Variants in AFF2 observed in about 807,000 individuals in gnomAD.
AFF2 encodes AF4/FMR2 family member 2.
In AFF2, 14 loss-of-function variants were observed where a neutral mutation model predicts 76.9. That is an observed-to-expected ratio of 0.18 (90% CI 0.12 to 0.28). The LOEUF (loss-of-function observed/expected upper bound fraction) is 0.28, where lower values mean the gene tolerates loss of function less well. AFF2 is among the 10% of genes least tolerant of loss of function. The pLI, the probability that AFF2 is intolerant of heterozygous loss-of-function variation, is 1.00. For synonymous variants in AFF2, 398 were observed against 366.7 expected (o/e 1.09, Z -0.98); for missense variants, 868 against 1,001.1 (o/e 0.87, Z 1.79).
Position 148,797,971 on chromosome X carries a change from C to T in AFF2, c.1042-11905C>T, listed in dbSNP as rs537245157. 7.1e-5 allele frequency among the ~76,000 whole-genome samples: 8 copies of T among 112,376 alleles called. No individual in the cohort carries two copies. The South Asian group carries it at 3.0e-3, about 41-fold the overall frequency. On this transcript the variant is annotated intron_variant, in intron 3 of 20. Transcript: ENST00000370460. ...CTCGTCTATAGTATACCCTCCCTGT[C>T]TTAGTCTGTCTTGTGCTTCTATAAC...
chrX:148,555,978 G>A (rs1557239617), intron 1 of AFF2, among the ~76,000 whole-genome samples: 1 of 111,838 alleles, frequency 8.9e-6, no homozygotes, highest in East Asian at 2.8e-4. Context: ...GAGTTTTCAG[G>A]GTGTAATTTA....
intron 3 of AFF2, among the ~76,000 whole-genome samples, chrX:148,807,925 A>G (rs782690485): frequency 6.2e-4 from 70 of 112,611 alleles, no homozygotes; most frequent in African/African-American, 2.3e-3. Context: ...TATTCTGCAA[A>G]CATTCATTGT....
chrX:148,990,267 T>C (rs1039908210), intron 20 of AFF2, among the ~76,000 whole-genome samples: 1 of 111,490 alleles, frequency 9.0e-6, no homozygotes, highest in Non-Finnish European at 1.9e-5. Context: ...TGCATGGAAA[T>C]CACTTTCCAA....
chrX:148,931,445 G>T (rs370959202), intron 9 of AFF2, among the ~76,000 whole-genome samples: 1 of 110,628 alleles, frequency 9.0e-6, no homozygotes, highest in East Asian at 2.8e-4. Flanking sequence ...TATCAGAGTG[G>T]TACAGTTATA....
At position 148,656,657 on chromosome X, in the gene AFF2, G is replaced by T. The variant is rs782784530; in HGVS notation, c.180+4526G>T. 5.7e-5 allele frequency among the ~76,000 whole-genome samples: 6 copies of T among 105,743 alleles called. 1 individual carries two copies. In the South Asian group the frequency reaches 2.7e-3, roughly 47 times the overall value. 91.8% of individuals were successfully genotyped at this position (105,743 alleles called of 115,157 possible). A position where few individuals can be genotyped will look rare whatever the true frequency, so the allele number is the denominator to read the frequency against. On this transcript the variant is annotated intron_variant, in intron 2 of 20. Transcript: ENST00000370460. ...TGGGACTACAGGCGCCCGCCACTAC[G>T]CCCGGCTAATTTTTTGTATTTTTTA...
At chrX:148,776,501 C>G (rs149505671) in intron 3 of AFF2, among the ~76,000 whole-genome samples, 1 of 112,240 alleles carries the variant, frequency 8.9e-6, no homozygotes, top group Non-Finnish European at 1.9e-5. Context: ...TCCTATTTCT[C>G]CACACTCTCT....
At chrX:148,610,563 G>A (rs905179844) in intron 1 of AFF2, among the ~76,000 whole-genome samples, 3 of 111,675 alleles carry the variant, frequency 2.7e-5, no homozygotes, top group Non-Finnish European at 5.6e-5. Flanking sequence ...AGTATTACAC[G>A]TAAAAGTTGT....
chrX:148,769,342 G>A (rs782116686), intron 3 of AFF2, among the ~76,000 whole-genome samples: 21 of 111,751 alleles, frequency 1.9e-4, no homozygotes, highest in African/African-American at 6.8e-4. Context: ...CAGCAGGCAT[G>A]GAGTGTGAGT....
At chrX:148,676,634 T>C (rs1003409936) in intron 3 of AFF2, among the ~76,000 whole-genome samples, 2 of 112,113 alleles carry the variant, frequency 1.8e-5, no homozygotes, top group African/African-American at 6.5e-5. Flanking sequence ...AATAGCTATC[T>C]GAGGTGTTTA....
chrX:148,973,848 G>A (rs2108982), intron 16 of AFF2, among the ~76,000 whole-genome samples: 59,827 of 110,804 alleles, frequency 0.54, 13,946 homozygotes, highest in East Asian at 0.78. Context: ...TTCAATATTC[G>A]TAACATTAAA....
At chrX:148,636,173 T>G (rs782555809) in intron 1 of AFF2, among the ~76,000 whole-genome samples, 31 of 111,449 alleles carry the variant, frequency 2.8e-4, no homozygotes, top group Non-Finnish European at 5.3e-4. Flanking sequence ...GGATCATACA[T>G]TACGATGAAT....
At chrX:148,769,314 T>C (rs782406947) in intron 3 of AFF2, among the ~76,000 whole-genome samples, 1 of 111,911 alleles carries the variant, frequency 8.9e-6, no homozygotes, top group Non-Finnish European at 1.9e-5. Flanking sequence ...AAGGCAGCTA[T>C]AGTGTCATGA....
intron 16 of AFF2, among the ~76,000 whole-genome samples, chrX:148,977,307 A>C (rs1445197082): frequency 9.0e-6 from 1 of 110,990 alleles, no homozygotes; most frequent in African/African-American, 3.3e-5. Context: ...GAGAATAGAA[A>C]GACAAAATAT....
At chrX:148,711,268 C>G (rs1255477344) in intron 3 of AFF2, among the ~76,000 whole-genome samples, 5 of 111,717 alleles carry the variant, frequency 4.5e-5, no homozygotes, top group Non-Finnish European at 7.5e-5. Context: ...TGCCATTTTT[C>G]TTACCCAGTG....
intron 9 of AFF2, among the ~76,000 whole-genome samples, chrX:148,934,447 C>T (rs782026710): frequency 8.9e-6 from 1 of 112,156 alleles, no homozygotes; most frequent in Admixed American, 9.4e-5. Flanking sequence ...GATTCTGCCA[C>T]GTTGCTATGA....
At chrX:148,860,176 G>C (rs2070831432) in intron 7 of AFF2, among the ~76,000 whole-genome samples, 1 of 111,732 alleles carries the variant, frequency 8.9e-6, no homozygotes, top group South Asian at 3.8e-4. Context: ...GCTCATTCTT[G>C]ATTATCAAAA....
chrX:148,510,214 C>T (rs73616498), intron 1 of AFF2, among the ~76,000 whole-genome samples: 4,063 of 111,835 alleles, frequency 0.036, 63 homozygotes, highest in African/African-American at 0.052. Context: ...GCTAGTTCTT[C>T]AAAATATTAA....
At chrX:148,713,828 G>C (rs781857056) in intron 3 of AFF2, among the ~76,000 whole-genome samples, 1 of 111,579 alleles carries the variant, frequency 9.0e-6, no homozygotes, top group South Asian at 3.8e-4. Flanking sequence ...CAGTCTTAAG[G>C]GGCATATTTC....
At chrX:148,986,217 T>G (rs2072469588) in intron 19 of AFF2, among the ~76,000 whole-genome samples, 1 of 112,022 alleles carries the variant, frequency 8.9e-6, no homozygotes, top group African/African-American at 3.2e-5. Context: ...CCTAAAGACA[T>G]CTTCCCTCCA....
Sources: gnomAD v4.1 joint callset for allele counts (sites outside exome capture counted in the v4.1 genomes callset) on GRCh38, gnomAD v4.1.1 for gene constraint, MANE v1.5 for transcripts, NCBI Gene and HGNC (gene_info 2026-07-23, HGNC 2026-07-21) for gene names.